CD1B: variants seen among roughly 807,000 people sequenced by gnomAD.
CD1B encodes T-cell surface glycoprotein CD1b.
Under a neutral mutation model 39.8 loss-of-function variants are expected in CD1B, and 43 were observed. The ratio of observed to expected loss-of-function variants is 1.08; its 90% CI spans 0.85 to 1.39. CD1B has a LOEUF of 1.39. Among genes scored for constraint, CD1B ranks in the 40% most tolerant of loss-of-function variants. The pLI, the probability that CD1B is intolerant of heterozygous loss-of-function variation, is 0.00. For missense variants in CD1B, 495 were observed against 403.8 expected (o/e 1.23, Z -1.94); for synonymous variants, 192 against 152.5 (o/e 1.26, Z -1.91).
downstream of CD1B, among the ~76,000 whole-genome samples, chr1:158,326,409 A>G (rs1056583206): frequency 6.6e-6 from 1 of 152,234 alleles, no homozygotes. Flanking sequence ...AACAAATTCT[A>G]GGATAAAAAT....
the CD1B span, among the ~76,000 whole-genome samples, chr1:158,306,413 C>T: frequency 6.6e-6 from 1 of 152,146 alleles, no homozygotes; most frequent in Non-Finnish European, 1.5e-5. Flanking sequence ...AATACAGGAG[C>T]ACCCAGATTC....
downstream of CD1B, among the ~76,000 whole-genome samples, chr1:158,323,851 T>G (rs1652266428): frequency 6.6e-6 from 1 of 152,164 alleles, no homozygotes; most frequent in Non-Finnish European, 1.5e-5. Flanking sequence ...TCCAGGAGCC[T>G]GTCTCATTGG....
the CD1B span, chr1:158,292,069 C>G: frequency 6.3e-7 from 1 of 1,595,034 alleles, no homozygotes; most frequent in Non-Finnish European, 8.5e-7. Flanking sequence ...TTTTCTCATT[C>G]CTCCCTTCCT....
At chr1:158,288,681 T>C in the CD1B span, among the ~76,000 whole-genome samples, 49 of 152,354 alleles carry the variant, frequency 3.2e-4, 3 homozygotes, top group Admixed American at 2.7e-3. Flanking sequence ...GCATGAGTCA[T>C]TGTGCCTAGC....
the CD1B span, chr1:158,293,698 C>T: frequency 1.8e-5 from 19 of 1,074,960 alleles, no homozygotes; most frequent in African/African-American, 4.7e-5. Flanking sequence ...GATGTCATTT[C>T]CTCCAACGAT....
the CD1B span, among the ~76,000 whole-genome samples, chr1:158,310,790 A>G: frequency 2.9e-4 from 44 of 152,164 alleles, 1 homozygote; most frequent in Middle Eastern, 0.024. Context: ...CAGAATGGCT[A>G]TTATTAAAAT....
chr1:158,293,594 A>C, the CD1B span: 1 of 1,611,018 alleles, frequency 6.2e-7, no homozygotes, highest in East Asian at 2.2e-5. Context: ...TCTGCATAAT[A>C]AACATTTGTT....
At chr1:158,290,277 A>G in the CD1B span, 1 of 631,682 alleles carries the variant, frequency 1.6e-6, no homozygotes, top group Non-Finnish European at 2.8e-6. Context: ...ATGGTGGCAG[A>G]GCATGGGCTC....
At chr1:158,329,050 A>G (rs752228841) in intron 4 of CD1B, 36 bp from the exon 5 acceptor site, 10 of 1,525,240 alleles carry the variant, frequency 6.6e-6, no homozygotes, top group Non-Finnish European at 8.1e-6. Flanking sequence ...ATGTCACTTC[A>G]GATACTATAC....
chr1:158,302,403 C>T, the CD1B span, among the ~76,000 whole-genome samples: 1 of 151,272 alleles, frequency 6.6e-6, no homozygotes, highest in Admixed American at 6.6e-5. Context: ...GGAAAAAAAA[C>T]CTAAAGCTAG....
At chr1:158,295,402 A>G in the CD1B span, among the ~76,000 whole-genome samples, 1 of 152,258 alleles carries the variant, frequency 6.6e-6, no homozygotes, top group East Asian at 1.9e-4. Flanking sequence ...CACTCTATCC[A>G]TGAACCTCTG....
chr1:158,316,873 G>T, the CD1B span, among the ~76,000 whole-genome samples: 1 of 151,982 alleles, frequency 6.6e-6, no homozygotes, highest in Non-Finnish European at 1.5e-5. Context: ...ATGAAGGGTT[G>T]TTGAATTTTG....
chr1:158,317,452 A>T, the CD1B span, among the ~76,000 whole-genome samples: 1 of 152,024 alleles, frequency 6.6e-6, no homozygotes, highest in Admixed American at 6.6e-5. Context: ...ATTTGCGTAG[A>T]GGTGTTTGTA....
chr1:158,323,274 G>C (rs539858089), downstream of CD1B, among the ~76,000 whole-genome samples: 1 of 150,606 alleles, frequency 6.6e-6, no homozygotes, highest in Admixed American at 6.6e-5. Flanking sequence ...TAATTCTGCT[G>C]TTAATGCTCG....
At chr1:158,291,238 C>T in the CD1B span, 1 of 1,614,150 alleles carries the variant, frequency 6.2e-7, no homozygotes, top group Non-Finnish European at 8.5e-7. Flanking sequence ...GTTGCAGACT[C>T]ATGGCTGGGA....
At chr1:158,308,536 C>A in the CD1B span, among the ~76,000 whole-genome samples, 1 of 152,188 alleles carries the variant, frequency 6.6e-6, no homozygotes, top group Admixed American at 6.6e-5. Context: ...AATCCTAAGC[C>A]AAAAGAATAA....
the CD1B span, among the ~76,000 whole-genome samples, chr1:158,321,120 T>G: frequency 6.6e-6 from 1 of 152,248 alleles, no homozygotes; most frequent in African/African-American, 2.4e-5. Flanking sequence ...GTTATACTAT[T>G]GTTGTATTGT....
At position 158,329,975 on chromosome 1, in the gene CD1B, A is replaced by T. The variant is rs1264035427; in HGVS notation, c.484T>A (p.Phe162Ile). ...SPEGGSRAQK[F>I]CALIIQYQGI... ...TGATATTGTATGATTAGTGCACAGA[A>T]TTTCTGTGCCCTGCTGCCACCTTCT... The change falls in exon 3 of 6, where the codon TTC becomes ATC. Residue 162 changes from phenylalanine (F) to isoleucine (I), a missense_variant. Physicochemically the swap from Phe to Ile is conservative, Grantham distance 21. Coordinates refer to ENST00000368168, the MANE Select transcript of CD1B (RefSeq NM_001764.3). The T allele has an allele frequency of 6.2e-7, 1 of 1,614,064 alleles. No homozygotes were observed. Among genetic ancestry groups the T allele is most frequent in the Non-Finnish European group, 8.5e-7 (1 of 1,180,018 alleles).
the CD1B span, among the ~76,000 whole-genome samples, chr1:158,308,986 C>A: frequency 6.6e-6 from 1 of 152,128 alleles, no homozygotes; most frequent in Non-Finnish European, 1.5e-5. Flanking sequence ...CAAATGGGAT[C>A]TAATTAAACT....
Sources: gnomAD v4.1 joint callset for allele counts (sites outside exome capture counted in the v4.1 genomes callset) on GRCh38, gnomAD v4.1.1 for gene constraint, MANE v1.5 for transcripts, NCBI Gene and HGNC (gene_info 2026-07-23, HGNC 2026-07-21) for gene names.